The following SLC38A11 variants were observed in gnomAD, a reference collection of about 807,000 sequenced individuals.
SLC38A11 encodes solute carrier family 38 member 11, also known as putative sodium-coupled neutral amino acid transporter 11.
Under a neutral mutation model 49.4 loss-of-function variants are expected in SLC38A11, and 51 were observed. The observed-to-expected ratio is 1.03, with a 90% confidence interval of 0.83 to 1.30. SLC38A11 has a LOEUF of 1.30. Among genes scored for constraint, SLC38A11 ranks in the 50% most tolerant of loss-of-function variants. The pLI, the probability that SLC38A11 is intolerant of heterozygous loss-of-function variation, is 0.00. For missense variants in SLC38A11, 574 were observed against 556.2 expected, an observed-to-expected ratio of 1.03 and a Z score of -0.32; for synonymous variants, 203 against 192.9, an observed-to-expected ratio of 1.05 and a Z score of -0.43.
intron 4 of SLC38A11, among the ~76,000 whole-genome samples, chr2:164,945,076 TG>T (rs1226271566): frequency 1.3e-5 from 2 of 152,126 alleles, no homozygotes; most frequent in African/African-American, 4.8e-5. Context: ...TGGAGACATA[TG>T]GAACTAGTGG....
At chr2:164,947,045 G>A (rs1354608620) in intron 3 of SLC38A11, among the ~76,000 whole-genome samples, 1 of 146,154 alleles carries the variant, frequency 6.8e-6, no homozygotes, top group Non-Finnish European at 1.5e-5. Flanking sequence ...TGCTGTTTTG[G>A]TCATTTATAC....
At position 164,920,297 on chromosome 2, in the gene SLC38A11, A is replaced by G. The variant is rs1686100654; in HGVS notation, c.618-4324T>C. On this transcript the variant is annotated intron_variant, in intron 7 of 11. Transcript: ENST00000685975. The stretch of plus-strand genomic sequence containing the variant: ...CTCCGTTAAAAAAAAAAAAAAAAAG[A>G]AAGGAAGGAAGAAAGAAATAACTTT... 2.0e-5 allele frequency among the ~76,000 whole-genome samples: 3 copies of G among 148,708 alleles called. No individual in the cohort carries two copies. In the South Asian group the frequency reaches 6.5e-4, roughly 32 times the overall value.
intron 11 of SLC38A11, among the ~76,000 whole-genome samples, chr2:164,899,554 A>G (rs1684522020): frequency 6.6e-6 from 1 of 152,162 alleles, no homozygotes; most frequent in African/African-American, 2.4e-5. Flanking sequence ...AATGCATTTT[A>G]GGTAATATGT....
intron 9 of SLC38A11, among the ~76,000 whole-genome samples, chr2:164,913,029 T>C (rs548199506): frequency 3.2e-4 from 48 of 152,194 alleles, no homozygotes; most frequent in African/African-American, 1.1e-3. Flanking sequence ...AATTAAATTT[T>C]TTTAAGATCA....
chr2:164,920,903 T>G (rs1559103671), intron 7 of SLC38A11, among the ~76,000 whole-genome samples: 1 of 151,828 alleles, frequency 6.6e-6, no homozygotes, highest in Non-Finnish European at 1.5e-5. Context: ...AATAATAAAA[T>G]TATAGATTAT....
Position 164,954,884 on chromosome 2 carries a change from A to G in SLC38A11, c.40-139T>C. 3 of 564,958 alleles carry G rather than the reference A, an allele frequency of 5.3e-6. No homozygotes were observed. The South Asian group carries it at 7.9e-5, about 15-fold the overall frequency. 35.0% of individuals were successfully genotyped at this position (564,958 alleles called of 1,614,324 possible). A position where few individuals can be genotyped will look rare whatever the true frequency, so the allele number is the denominator to read the frequency against. On this transcript the variant is annotated intron_variant, in intron 1 of 11. Coordinates refer to ENST00000685975, the MANE Select transcript of SLC38A11 (RefSeq NM_001351537.2). ...TAATGAAAATAAAATAAATGCCGGG[A>G]TAACAGTAATAAAGAATAACAATAA...
At chr2:164,904,302 C>A (rs945977122) in intron 11 of SLC38A11, among the ~76,000 whole-genome samples, 1 of 152,044 alleles carries the variant, frequency 6.6e-6, no homozygotes, top group Non-Finnish European at 1.5e-5. Context: ...TTCTTGTTAC[C>A]AAGAATAGTG....
At chr2:164,912,456 T>C (rs559436150) in intron 9 of SLC38A11, 11 of 152,226 alleles carry the variant, frequency 7.2e-5, no homozygotes, top group African/African-American at 2.6e-4. Flanking sequence ...GACTTCATTA[T>C]TTTTTAAAAA....
chr2:164,928,384 G>A (rs1253455266), intron 7 of SLC38A11, among the ~76,000 whole-genome samples: 2 of 152,114 alleles, frequency 1.3e-5, no homozygotes, highest in East Asian at 3.9e-4. Flanking sequence ...CAAAATTTTG[G>A]TCAGTTAATC....
intron 5 of SLC38A11, among the ~76,000 whole-genome samples, chr2:164,942,401 C>T (rs1220206039): frequency 7.2e-6 from 1 of 138,494 alleles, no homozygotes; most frequent in East Asian, 2.3e-4. Context: ...CCACTGCACT[C>T]TAGCCTGGGT....
chr2:164,898,731 C>G lies in SLC38A11; in HGVS notation c.1096-1G>C, dbSNP rs1321612689. ...TGAGGGGAGTTGCACAGAGCACACC[C>G]TGCATGTTGAAAACAAGAAACAAGA... On this transcript the variant is annotated splice_acceptor_variant, in intron 11 of 11. Transcript: ENST00000685975. LOFTEE classifies it high-confidence loss of function. 4 of 1,600,068 alleles carry G rather than the reference C, an allele frequency of 2.5e-6. 1 individual carries two copies. The South Asian group carries it at 3.4e-5, about 13-fold the overall frequency.
chr2:164,944,665 A>G (rs1236071273), intron 4 of SLC38A11, 31 bp from the exon 5 acceptor site: 2 of 879,360 alleles, frequency 2.3e-6, no homozygotes, highest in South Asian at 3.8e-5. Flanking sequence ...AGAGTCATCA[A>G]TAAGCCATCT....
At chr2:164,948,775 C>A (rs1275358263) in intron 3 of SLC38A11, among the ~76,000 whole-genome samples, 1 of 152,066 alleles carries the variant, frequency 6.6e-6, no homozygotes, top group East Asian at 1.9e-4. Context: ...CTCCAACTTC[C>A]CCTCTCTCCA....
chr2:164,950,260 A>G (rs773392634), intron 3 of SLC38A11: 9 of 152,166 alleles, frequency 5.9e-5, no homozygotes, highest in Non-Finnish European at 1.3e-4. Context: ...ATTCTCATTG[A>G]TTCTCATATA....
intron 10 of SLC38A11, among the ~76,000 whole-genome samples, chr2:164,909,187 G>A (rs1465953959): frequency 5.9e-5 from 9 of 152,142 alleles, no homozygotes; most frequent in Non-Finnish European, 8.8e-5. Flanking sequence ...ATTAATACTG[G>A]ATGTGTAATA....
intron 3 of SLC38A11, among the ~76,000 whole-genome samples, chr2:164,946,028 CTG>C (rs1688083250): frequency 6.6e-6 from 1 of 152,070 alleles, no homozygotes; most frequent in African/African-American, 2.4e-5. Flanking sequence ...TTTTACTTTC[CTG>C]ATGTAACCAA....
intron 5 of SLC38A11, among the ~76,000 whole-genome samples, chr2:164,942,797 A>G (rs994331639): frequency 1.3e-5 from 2 of 152,170 alleles, no homozygotes; most frequent in South Asian, 4.1e-4. Context: ...GGGTAAGTCT[A>G]CTGTGTGCTA....
rs116164677 is a variant in SLC38A11 at position 164,942,579 on chromosome 2, T to C, written c.430+1990A>G. On this transcript the variant is annotated intron_variant, in intron 5 of 11. Coordinates refer to ENST00000685975, the MANE Select transcript of SLC38A11 (RefSeq NM_001351537.2). ...GATAACCGCAGTTTATATGTAAATG[T>C]ATTTCTTTCTTATTTTTTCTTACTT... Among the ~76,000 whole-genome samples the C allele has an allele frequency of 6.3e-3, 966 of 152,244 alleles. 13 individuals carry two copies. The highest frequency in any genetic ancestry group is 0.021 in the African/African-American group (890 of 41,542).
chr2:164,943,505 A>G (rs1372209407), intron 5 of SLC38A11, among the ~76,000 whole-genome samples: 1 of 152,238 alleles, frequency 6.6e-6, no homozygotes, highest in Non-Finnish European at 1.5e-5. Context: ...AAAAAGCTAC[A>G]TATGGTATGA....
Sources: gnomAD v4.1 joint callset for allele counts (sites outside exome capture counted in the v4.1 genomes callset) on GRCh38, gnomAD v4.1.1 for gene constraint, MANE v1.5 for transcripts, NCBI Gene and HGNC (gene_info 2026-07-23, HGNC 2026-07-21) for gene names.